Variants in AUTS2 observed in about 807,000 individuals in gnomAD.
AUTS2 encodes activator of transcription and developmental regulator AUTS2.
In AUTS2, 17 loss-of-function variants were observed where a neutral mutation model predicts 112.4. The observed-to-expected ratio is 0.15, with a 90% CI of 0.10 to 0.23. The LOEUF (loss-of-function observed/expected upper bound fraction) is 0.23. Ranked by LOEUF, AUTS2 falls within the 10% of genes least tolerant of loss-of-function variation. The pLI is 1.00. For missense variants in AUTS2, 1,510 were observed against 1,701.6 expected (o/e 0.89, Z 1.98); for synonymous variants, 751 against 702.7 (o/e 1.07, Z -1.09).
At chr7:69,813,281 G>A (rs1450936172) in intron 1 of AUTS2, among the ~76,000 whole-genome samples, 1 of 152,176 alleles carries the variant, frequency 6.6e-6, no homozygotes, top group African/African-American at 2.4e-5. Context: ...GCCCCTGAGT[G>A]TCACCTTGTT....
chr7:70,787,039 G>A, intron 17 of AUTS2, 170 bp from the exon 18 acceptor site: 1 of 753,176 alleles, frequency 1.3e-6, no homozygotes, highest in Non-Finnish European at 2.3e-6. Context: ...TCCAGTGTAG[G>A]ACAAGACTTC....
chr7:69,673,144 T>TA (rs961760424), intron 1 of AUTS2, among the ~76,000 whole-genome samples: 2 of 152,210 alleles, frequency 1.3e-5, no homozygotes, highest in South Asian at 2.1e-4. Flanking sequence ...CCTAGATACT[T>TA]AAAAAAATTT....
At chr7:70,285,143 G>A (rs1381621385) in intron 4 of AUTS2, among the ~76,000 whole-genome samples, 1 of 151,994 alleles carries the variant, frequency 6.6e-6, no homozygotes, top group African/African-American at 2.4e-5. Flanking sequence ...TTCTCTATGA[G>A]CCTCTCTGCT....
intron 1 of AUTS2, among the ~76,000 whole-genome samples, chr7:69,804,813 C>T (rs1036905261): frequency 2.6e-5 from 4 of 152,194 alleles, no homozygotes; most frequent in Non-Finnish European, 4.4e-5. Flanking sequence ...GCAGCAATAT[C>T]ATCATCATCT....
intron 4 of AUTS2, among the ~76,000 whole-genome samples, chr7:70,312,212 GC>G (rs1279576896): frequency 6.6e-6 from 1 of 152,098 alleles, no homozygotes; most frequent in Non-Finnish European, 1.5e-5. Flanking sequence ...TAAATCGTGT[GC>G]TTTTTCTGTG....
At chr7:69,774,117 G>A (rs187932931) in intron 1 of AUTS2, among the ~76,000 whole-genome samples, 15 of 152,342 alleles carry the variant, frequency 9.8e-5, no homozygotes, top group Middle Eastern at 3.4e-3. Context: ...TGCCTGCTAA[G>A]CAAAGATGTC....
chr7:70,078,480 G>A (rs139808026), intron 2 of AUTS2, among the ~76,000 whole-genome samples: 162 of 152,262 alleles, frequency 1.1e-3, no homozygotes, highest in Non-Finnish European at 1.9e-3. Context: ...GGGTACTACT[G>A]TACTTCTGTT....
intron 1 of AUTS2, among the ~76,000 whole-genome samples, chr7:69,755,713 G>C (rs1787918263): frequency 6.6e-6 from 1 of 152,112 alleles, no homozygotes; most frequent in Non-Finnish European, 1.5e-5. Flanking sequence ...TTATTTTTGA[G>C]AGATGAATGC....
At chr7:70,560,059 A>T (rs1182952234) in intron 5 of AUTS2, among the ~76,000 whole-genome samples, 1 of 152,158 alleles carries the variant, frequency 6.6e-6, no homozygotes, top group Non-Finnish European at 1.5e-5. Context: ...CTGGCCTTCC[A>T]ACAAGCTGAG....
chr7:69,800,838 C>A lies in AUTS2; in HGVS notation c.310-98448C>A, dbSNP rs147136689. The stretch of plus-strand genomic sequence containing the variant: ...TGTTCCTGAAGAGGGCTGTGTTTTT[C>A]TTTCCAAGCCCTCCCATTTATTTAC... On this transcript the variant is annotated intron_variant, in intron 1 of 18. Coordinates refer to ENST00000342771, the MANE Select transcript of AUTS2 (RefSeq NM_015570.4). Among the ~76,000 whole-genome samples, 159 of 152,248 alleles carry A rather than the reference C, an allele frequency of 1.0e-3. 2 individuals are homozygous for A. In the East Asian group the frequency reaches 0.027, roughly 26 times the overall value.
chr7:70,399,448 C>T (rs1351439388), intron 4 of AUTS2, among the ~76,000 whole-genome samples: 2 of 152,052 alleles, frequency 1.3e-5, no homozygotes, highest in Admixed American at 6.6e-5. Flanking sequence ...TATAAATTCT[C>T]ATCCATAATG....
At chr7:70,292,501 A>T (rs964806227) in intron 4 of AUTS2, 18 of 152,348 alleles carry the variant, frequency 1.2e-4, no homozygotes, top group Non-Finnish European at 4.4e-5. Context: ...CAGCAGCAAG[A>T]TTTTTCATTC....
At chr7:70,580,925 G>A (rs1802404263) in intron 5 of AUTS2, among the ~76,000 whole-genome samples, 1 of 152,134 alleles carries the variant, frequency 6.6e-6, no homozygotes, top group South Asian at 2.1e-4. Flanking sequence ...GCTTTCATCA[G>A]ATTTTCAAAT....
chr7:70,704,382 A>C lies in AUTS2; in HGVS notation c.742+5762A>C, dbSNP rs138516269. On this transcript the variant is annotated intron_variant, in intron 6 of 18. Coordinates refer to ENST00000342771, the MANE Select transcript of AUTS2 (RefSeq NM_015570.4). ...GGAGGCGTAGATTACAGTGTAACCC[A>C]TTCCATTCTTTTAGTCAGATGTTCA... 6.4e-4 allele frequency among the ~76,000 whole-genome samples: 98 copies of C among 152,332 alleles called. 2 individuals are homozygous for C. The highest frequency in any genetic ancestry group is 2.3e-3 in the African/African-American group (97 of 41,566).
At chr7:70,218,347 G>A (rs967632569) in intron 4 of AUTS2, among the ~76,000 whole-genome samples, 1 of 152,076 alleles carries the variant, frequency 6.6e-6, no homozygotes, top group East Asian at 1.9e-4. Flanking sequence ...CCCAACCTTT[G>A]GCTAAAGGAG....
chr7:70,726,147 C>A (rs1334123968), intron 6 of AUTS2, among the ~76,000 whole-genome samples: 1 of 150,908 alleles, frequency 6.6e-6, no homozygotes, highest in Non-Finnish European at 1.5e-5. Context: ...TCTTTTTTTT[C>A]ATGTTTTAAG....
chr7:70,022,097 T>G (rs1412815924), intron 2 of AUTS2, among the ~76,000 whole-genome samples: 1 of 149,492 alleles, frequency 6.7e-6, no homozygotes, highest in Non-Finnish European at 1.5e-5. Flanking sequence ...CAAATATTGA[T>G]GTAAGAAGAG....
intron 5 of AUTS2, among the ~76,000 whole-genome samples, chr7:70,561,733 C>G (rs185997578): frequency 3.3e-4 from 51 of 152,280 alleles, no homozygotes; most frequent in African/African-American, 1.2e-3. Context: ...AGGAAAAGGG[C>G]AGACCTACTC....
At chr7:69,821,003 C>T (rs17457910) in intron 1 of AUTS2, among the ~76,000 whole-genome samples, 4,281 of 152,196 alleles carry the variant, frequency 0.028, 81 homozygotes, top group South Asian at 0.045. Flanking sequence ...GGCTTTATAA[C>T]GTGAGATTCT....
Sources: allele counts gnomAD v4.1 joint callset (sites outside exome capture counted in the v4.1 genomes callset), GRCh38; gene constraint gnomAD v4.1.1; transcripts MANE v1.5; gene names NCBI Gene and HGNC (gene_info 2026-07-23, HGNC 2026-07-21).